Variants in RPSA2 observed in about 807,000 individuals in gnomAD.
RPSA2 encodes the protein ribosomal protein SA 2.
chr19:23,823,004 A>G, the RPSA2 span, among the ~76,000 whole-genome samples: 1 of 152,138 alleles, frequency 6.6e-6, no homozygotes, highest in South Asian at 2.1e-4. Flanking sequence ...CCATGAGTCA[A>G]TACAAGGGAA....
the RPSA2 span, chr19:23,833,241 C>CG: frequency 9.8e-7 from 1 of 1,020,710 alleles, no homozygotes; most frequent in Non-Finnish European, 1.2e-6. Context: ...AAAAATTTGG[C>CG]AAACCTTTAA....
the RPSA2 span, among the ~76,000 whole-genome samples, chr19:23,764,810 A>G: frequency 6.6e-6 from 1 of 152,120 alleles, no homozygotes. Context: ...TAAAAAAAAA[A>G]AAAAGTCTGC....
chr19:23,837,068 A>G, the RPSA2 span, among the ~76,000 whole-genome samples: 1 of 152,102 alleles, frequency 6.6e-6, no homozygotes, highest in Non-Finnish European at 1.5e-5. Flanking sequence ...ACCAATGCCT[A>G]GAAGAGTTTT....
At chr19:23,802,123 C>G in the RPSA2 span, among the ~76,000 whole-genome samples, 21 of 152,208 alleles carry the variant, frequency 1.4e-4, no homozygotes, top group Non-Finnish European at 2.9e-4. Context: ...CACATAGACA[C>G]TTCAGATCCC....
chr19:23,767,806 G>A, the RPSA2 span, among the ~76,000 whole-genome samples: 4 of 117,788 alleles, frequency 3.4e-5, no homozygotes, highest in Admixed American at 1.2e-4. Flanking sequence ...TAGCTCTGTC[G>A]CCCAGGCTGG....
At chr19:23,761,915 T>C in the RPSA2 span, among the ~76,000 whole-genome samples, 7,190 of 19,564 alleles carry the variant, frequency 0.37, 710 homozygotes, top group Admixed American at 0.47. Context: ...TTTCTTTCTT[T>C]CTTTCTTTTT....
the RPSA2 span, among the ~76,000 whole-genome samples, chr19:23,862,642 T>C: frequency 7.9e-4 from 121 of 152,288 alleles, no homozygotes; most frequent in African/African-American, 2.9e-3. Flanking sequence ...AATCATGTGG[T>C]TTTTGTCTTT....
chr19:23,758,640 T>G, the RPSA2 span: 2 of 1,572,586 alleles, frequency 1.3e-6, no homozygotes, highest in Non-Finnish European at 8.7e-7. Context: ...TGAGGCCGCC[T>G]GGGCGAGGAG....
chr19:23,836,544 T>C, the RPSA2 span, among the ~76,000 whole-genome samples: 2 of 152,216 alleles, frequency 1.3e-5, no homozygotes, highest in African/African-American at 4.8e-5. Flanking sequence ...AGTAGTGGGA[T>C]TGCTGGATCA....
chr19:23,831,993 C>A, the RPSA2 span: 2 of 393,654 alleles, frequency 5.1e-6, no homozygotes, highest in South Asian at 2.3e-5. Context: ...GTGGAAAAAC[C>A]TTTAATTGGT....
At chr19:23,808,660 C>A in the RPSA2 span, 1 of 491,292 alleles carries the variant, frequency 2.0e-6, no homozygotes, top group Non-Finnish European at 4.0e-6. Context: ...GAACACATTA[C>A]TAAGTTGGTA....
the RPSA2 span, among the ~76,000 whole-genome samples, chr19:23,760,828 C>T: frequency 6.6e-6 from 1 of 151,166 alleles, no homozygotes; most frequent in Non-Finnish European, 1.5e-5. Context: ...CCACACTGGG[C>T]TAATTTTTGT....
the RPSA2 span, among the ~76,000 whole-genome samples, chr19:23,814,315 T>C: frequency 6.6e-6 from 1 of 152,194 alleles, no homozygotes; most frequent in Non-Finnish European, 1.5e-5. Flanking sequence ...GTATTGATAT[T>C]CAGTATGGAT....
At chr19:23,866,520 C>CA in the RPSA2 span, among the ~76,000 whole-genome samples, 2 of 147,538 alleles carry the variant, frequency 1.4e-5, no homozygotes, top group South Asian at 4.5e-4. Flanking sequence ...GGTGCCCCCC[C>CA]CCGCCCAGTG....
chr19:23,761,305 C>T, the RPSA2 span, among the ~76,000 whole-genome samples: 1 of 152,004 alleles, frequency 6.6e-6, no homozygotes, highest in Non-Finnish European at 1.5e-5. Context: ...GTCTTGAACC[C>T]CTGGGCTTAA....
the RPSA2 span, among the ~76,000 whole-genome samples, chr19:23,793,333 A>G: frequency 6.9e-6 from 1 of 145,808 alleles, no homozygotes; most frequent in Non-Finnish European, 1.5e-5. Context: ...TCTTGGTTCA[A>G]TACATTTATT....
the RPSA2 span, among the ~76,000 whole-genome samples, chr19:23,862,672 G>A: frequency 0.98 from 148,765 of 152,088 alleles, 72,849 homozygotes; most frequent in Middle Eastern, 1. Flanking sequence ...TATATGCTGG[G>A]TTACATTTAT....
the RPSA2 span, among the ~76,000 whole-genome samples, chr19:23,770,688 C>T: frequency 1.3e-5 from 2 of 152,114 alleles, no homozygotes; most frequent in East Asian, 1.9e-4. Context: ...CTGCCTGGTC[C>T]TTGCCCACAG....
chr19:23,853,559 T>A, the RPSA2 span, among the ~76,000 whole-genome samples: 2 of 152,226 alleles, frequency 1.3e-5, no homozygotes, highest in Non-Finnish European at 2.9e-5. Flanking sequence ...TTAAAAGGGA[T>A]AACGTAAACC....
Sources: gnomAD v4.1 joint callset for allele counts (sites outside exome capture counted in the v4.1 genomes callset) on GRCh38, gnomAD v4.1.1 for gene constraint, MANE v1.5 for transcripts, NCBI Gene and HGNC (gene_info 2026-07-23, HGNC 2026-07-21) for gene names.